The following DCAF6 variants were observed in gnomAD, a reference collection of about 807,000 sequenced individuals.
DCAF6 encodes DDB1- and CUL4-associated factor 6.
DCAF6 carries 54 observed loss-of-function variants against 125.1 expected under a neutral mutation model. The observed-to-expected ratio is 0.43, with a 90% CI of 0.35 to 0.54. The LOEUF is 0.54. Ranked by LOEUF, DCAF6 falls within the 20% of genes least tolerant of loss-of-function variation. DCAF6 has a pLI of 0.01. For synonymous variants in DCAF6, 371 were observed against 390.4 expected (o/e 0.95, Z 0.58); for missense variants, 934 against 1,161.7 (o/e 0.80, Z 2.85).
intron 11 of DCAF6, among the ~76,000 whole-genome samples, chr1:168,019,088 G>T (rs912280287): frequency 1.3e-5 from 2 of 150,202 alleles, no homozygotes; most frequent in Non-Finnish European, 3.0e-5. Flanking sequence ...TCGCTTTGTC[G>T]CCCAAGCTGG....
rs1329571817 is a variant in DCAF6 at position 167,981,830 on chromosome 1, G to A, written c.439-5665G>A. Among the ~76,000 whole-genome samples, 5 of 152,208 alleles carry A rather than the reference G, an allele frequency of 3.3e-5. No individual in the cohort carries two copies. The South Asian group carries it at 8.3e-4, about 25-fold the overall frequency. ...TCTTTGTTATTGTGAATAGTGCTGC[G>A]ATGAACATGTGAGTGCATGTGTCTT... On this transcript the variant is annotated intron_variant, in intron 4 of 21. Coordinates refer to ENST00000367840, the MANE Select transcript of DCAF6 (RefSeq NM_001198956.2).
the DCAF6 span, among the ~76,000 whole-genome samples, chr1:167,866,582 A>T: frequency 6.6e-6 from 1 of 151,214 alleles, no homozygotes; most frequent in South Asian, 2.1e-4. Flanking sequence ...AAGTTAATTT[A>T]GACTAAACAA....
the DCAF6 span, among the ~76,000 whole-genome samples, chr1:167,892,261 G>A: frequency 6.6e-6 from 1 of 152,116 alleles, no homozygotes; most frequent in Non-Finnish European, 1.5e-5. Context: ...CATGAGCCTG[G>A]CCTTGATTTT....
At chr1:167,993,620 A>G (rs1015047472) in intron 7 of DCAF6, among the ~76,000 whole-genome samples, 180 bp downstream of exon 7, 1 of 152,146 alleles carries the variant, frequency 6.6e-6, no homozygotes, top group Non-Finnish European at 1.5e-5. Flanking sequence ...GTGGTGGCAC[A>G]TGCCTGTAAT....
the DCAF6 span, chr1:167,880,554 A>G: frequency 6.2e-7 from 1 of 1,614,180 alleles, no homozygotes; most frequent in South Asian, 1.1e-5. Context: ...AGCATGAGTG[A>G]GCTCGTCAGG....
intron 12 of DCAF6, among the ~76,000 whole-genome samples, chr1:168,031,478 T>C (rs1687083569): frequency 6.6e-6 from 1 of 151,998 alleles, no homozygotes; most frequent in Non-Finnish European, 1.5e-5. Flanking sequence ...ACTAGAGTGA[T>C]AGAGACATAG....
chr1:168,069,701 CT>C (rs1362792577), intron 21 of DCAF6, among the ~76,000 whole-genome samples: 1 of 152,068 alleles, frequency 6.6e-6, no homozygotes, highest in Non-Finnish European at 1.5e-5. Context: ...TAAATATTAA[CT>C]TTTACCAGGA....
the DCAF6 span, among the ~76,000 whole-genome samples, chr1:167,923,182 T>C: frequency 6.6e-6 from 1 of 152,190 alleles, no homozygotes. Context: ...GATCTAGCAA[T>C]TCAACTTCTG....
At chr1:168,074,568 C>G (rs977755807) in intron 21 of DCAF6, among the ~76,000 whole-genome samples, 4 of 152,104 alleles carry the variant, frequency 2.6e-5, no homozygotes, top group African/African-American at 9.7e-5. Flanking sequence ...CAGGAACTCT[C>G]AATCTGGTCT....
In DCAF6 at chr1:168,057,928, T is replaced by G. The variant is rs562443790; in HGVS notation, c.2301-5693T>G. Among the ~76,000 whole-genome samples the G allele has an allele frequency of 3.3e-5, 5 of 152,380 alleles. 1 individual carries two copies. In the South Asian group the frequency reaches 1.0e-3, roughly 32 times the overall value. On this transcript the variant is annotated intron_variant, in intron 17 of 21. Coordinates refer to ENST00000367840, the MANE Select transcript of DCAF6 (RefSeq NM_001198956.2). ...CTCGCTGTAACTTAAATCTACCTGT[T>G]CACCCTATTTTGTCCATCTGCCTAC... is the stretch of plus-strand genomic sequence containing the variant.
the DCAF6 span, among the ~76,000 whole-genome samples, chr1:167,900,314 T>C: frequency 6.6e-6 from 1 of 152,178 alleles, no homozygotes; most frequent in Admixed American, 6.5e-5. Flanking sequence ...TGATTCTACA[T>C]ACAGTTTGTT....
the DCAF6 span, among the ~76,000 whole-genome samples, chr1:167,890,040 C>A: frequency 6.6e-6 from 1 of 152,224 alleles, no homozygotes; most frequent in Non-Finnish European, 1.5e-5. Context: ...GGTCACATAT[C>A]TCTGTCTCTC....
chr1:168,031,212 G>C (rs1687041801), intron 12 of DCAF6, among the ~76,000 whole-genome samples: 1 of 152,214 alleles, frequency 6.6e-6, no homozygotes, highest in African/African-American at 2.4e-5. Context: ...GAGTAAGAGA[G>C]CTAAAACATC....
intron 11 of DCAF6, among the ~76,000 whole-genome samples, chr1:168,020,286 C>T (rs1685514730): frequency 6.6e-6 from 1 of 152,098 alleles, no homozygotes; most frequent in African/African-American, 2.4e-5. Flanking sequence ...CCCAGGGTTA[C>T]AATATTACTG....
At position 168,014,501 on chromosome 1, in the gene DCAF6, A is replaced by G. The variant is rs191493338; in HGVS notation, c.1379-1280A>G. The stretch of plus-strand genomic sequence containing the variant: ...TCCCTTACTCTTTAGGGGACTTAAA[A>G]TGACATCCAAATTTATATCTCTGAA... On this transcript the variant is annotated intron_variant, in intron 10 of 21. Coordinates refer to ENST00000367840, the MANE Select transcript of DCAF6 (RefSeq NM_001198956.2). Among the ~76,000 whole-genome samples, 251 of 152,326 alleles carry G rather than the reference A, an allele frequency of 1.6e-3. 3 individuals are homozygous for G. The highest frequency in any genetic ancestry group is 5.2e-3 in the African/African-American group (218 of 41,572).
chr1:168,015,251 A>G (rs1474206403), intron 10 of DCAF6, among the ~76,000 whole-genome samples: 1 of 152,254 alleles, frequency 6.6e-6, no homozygotes, highest in Non-Finnish European at 1.5e-5. Context: ...AATTTTTTAA[A>G]ATGACAATTC....
At chr1:167,918,023 T>G in the DCAF6 span, 1 of 240,058 alleles carries the variant, frequency 4.2e-6, no homozygotes, top group Non-Finnish European at 8.0e-6. Context: ...TGTGTGTTCT[T>G]TTATGTACAT....
At chr1:168,052,698 T>C (rs1690101860) in intron 17 of DCAF6, among the ~76,000 whole-genome samples, 1 of 152,230 alleles carries the variant, frequency 6.6e-6, no homozygotes, top group Non-Finnish European at 1.5e-5. Context: ...CAATGGGGAA[T>C]GTGTTCTACT....
rs143767312 is a variant in DCAF6 at position 168,052,605 on chromosome 1, T to C, written c.2300+1672T>C. Reference sequence around the variant, plus strand: ...AAAGAATGTAAACTTCTGCTTAAGATAGACAAAATTAGAAAAATAAAATTA... The same window carrying C: ...AAAGAATGTAAACTTCTGCTTAAGACAGACAAAATTAGAAAAATAAAATTA... On this transcript the variant is annotated intron_variant, in intron 17 of 21. Coordinates refer to ENST00000367840, the MANE Select transcript of DCAF6 (RefSeq NM_001198956.2). Among the ~76,000 whole-genome samples, 306 of 152,340 alleles carry C rather than the reference T, an allele frequency of 2.0e-3. 1 individual carries two copies. Among genetic ancestry groups the C allele is most frequent in the African/African-American group, 7.0e-3 (293 of 41,578 alleles).
Sources: gnomAD v4.1 joint callset for allele counts (sites outside exome capture counted in the v4.1 genomes callset) on GRCh38, gnomAD v4.1.1 for gene constraint, MANE v1.5 for transcripts, NCBI Gene and HGNC (gene_info 2026-07-23, HGNC 2026-07-21) for gene names.